GATAD2B: variants seen among roughly 807,000 people sequenced by gnomAD.
GATAD2B encodes the protein transcriptional repressor p66-beta.
In GATAD2B, 8 loss-of-function variants were observed where a neutral mutation model predicts 64.3. The observed-to-expected ratio is 0.12, with a 90% CI of 0.07 to 0.22. GATAD2B has a LOEUF of 0.22. Ranked by LOEUF, GATAD2B falls within the 10% of genes least tolerant of loss-of-function variation. The pLI is 1.00. For synonymous variants in GATAD2B, 281 were observed against 271.3 expected (o/e 1.04, Z -0.35); for missense variants, 453 against 752.0 (o/e 0.60, Z 4.65).
intron 1 of GATAD2B, among the ~76,000 whole-genome samples, chr1:153,916,815 T>C (rs1301440255): frequency 6.6e-6 from 1 of 152,140 alleles, no homozygotes; most frequent in Non-Finnish European, 1.5e-5. Context: ...ATTTGTTTAT[T>C]TATTTATTTT....
At chr1:153,852,636 TGAACAGA>T in intron 1 of GATAD2B, 1 of 815,428 alleles carries the variant, frequency 1.2e-6, no homozygotes, top group Non-Finnish European at 2.2e-6. Flanking sequence ...TTCAATCAAG[TGAACAGA>T]AGAACGGAGC....
At chr1:153,826,652 G>A (rs115238159) in intron 2 of GATAD2B, among the ~76,000 whole-genome samples, 1,554 of 150,710 alleles carry the variant, frequency 0.01, 27 homozygotes, top group African/African-American at 0.036. Context: ...CACAACTTGG[G>A]TTATAAGCTG....
chr1:153,851,357 C>G (rs949334452), intron 1 of GATAD2B, among the ~76,000 whole-genome samples: 5 of 152,082 alleles, frequency 3.3e-5, no homozygotes, highest in African/African-American at 1.2e-4. Context: ...GTCAAGGAAC[C>G]TCCATACTGT....
At chr1:153,823,091 C>T (rs1332039535) in intron 2 of GATAD2B, among the ~76,000 whole-genome samples, 1 of 152,000 alleles carries the variant, frequency 6.6e-6, no homozygotes, top group African/African-American at 2.4e-5. Flanking sequence ...TGCCTCATTT[C>T]TTAATTTTAA....
chr1:153,855,334 T>C (rs1319685519), intron 1 of GATAD2B, among the ~76,000 whole-genome samples: 1 of 152,084 alleles, frequency 6.6e-6, no homozygotes, highest in Non-Finnish European at 1.5e-5. Context: ...GCTCAAGTGA[T>C]TCTCTCACCT....
chr1:153,847,317 T>C (rs139733619), intron 1 of GATAD2B, among the ~76,000 whole-genome samples: 161 of 152,342 alleles, frequency 1.1e-3, no homozygotes, highest in African/African-American at 3.7e-3. Flanking sequence ...TACTTAATTA[T>C]TGTATTTAGT....
At chr1:153,896,610 A>C (rs1486096605) in intron 1 of GATAD2B, among the ~76,000 whole-genome samples, 1 of 151,636 alleles carries the variant, frequency 6.6e-6, no homozygotes, top group Non-Finnish European at 1.5e-5. Flanking sequence ...CTAATTTTGT[A>C]TTTTTAGTAG....
intron 1 of GATAD2B, among the ~76,000 whole-genome samples, chr1:153,892,302 C>T (rs1002277268): frequency 6.6e-6 from 1 of 151,802 alleles, no homozygotes; most frequent in Non-Finnish European, 1.5e-5. Flanking sequence ...TAGAACACTA[C>T]CACTAGTTAA....
chr1:153,917,039 C>T (rs1678288434), intron 1 of GATAD2B, among the ~76,000 whole-genome samples: 1 of 150,126 alleles, frequency 6.7e-6, no homozygotes, highest in African/African-American at 2.5e-5. Flanking sequence ...AACTCCTGAC[C>T]TCGTGATCTA....
At chr1:153,900,775 G>A (rs1677742720) in intron 1 of GATAD2B, among the ~76,000 whole-genome samples, 1 of 152,078 alleles carries the variant, frequency 6.6e-6, no homozygotes, top group Admixed American at 6.6e-5. Context: ...CATTGTAGCA[G>A]CATGAAAACA....
chr1:153,872,208 A>G (rs1187491509), intron 1 of GATAD2B, among the ~76,000 whole-genome samples: 1 of 146,890 alleles, frequency 6.8e-6, no homozygotes, highest in East Asian at 2.2e-4. Context: ...AATCCCAGCT[A>G]TTTGGGAAGC....
rs569406794 is a variant in GATAD2B at position 153,835,125 on chromosome 1, A to G, written c.-1-6777T>C. Among the ~76,000 whole-genome samples the G allele has an allele frequency of 5.3e-5, 8 of 152,246 alleles. No individual in the cohort carries two copies. The East Asian group carries it at 1.5e-3, about 29-fold the overall frequency. ...ACAACTGAGTCTCTTTAAAAAACAA[A>G]CAAAAAACAAAAATTTGAATGGATA... On this transcript the variant is annotated intron_variant, in intron 1 of 10. Coordinates refer to ENST00000368655, the MANE Select transcript of GATAD2B (RefSeq NM_020699.4).
At chr1:153,856,471 T>C (rs2101915629) in intron 1 of GATAD2B, among the ~76,000 whole-genome samples, 1 of 152,362 alleles carries the variant, frequency 6.6e-6, no homozygotes, top group East Asian at 1.9e-4. Context: ...CTGAACAAGA[T>C]GGTAGTTACA....
chr1:153,864,608 C>A (rs1195957344), intron 1 of GATAD2B, among the ~76,000 whole-genome samples: 2 of 151,160 alleles, frequency 1.3e-5, no homozygotes, highest in African/African-American at 4.9e-5. Flanking sequence ...CAAAGCAAAA[C>A]CCTGTGAAAG....
chr1:153,881,189 T>C (rs1316888022), intron 1 of GATAD2B, among the ~76,000 whole-genome samples: 1 of 152,116 alleles, frequency 6.6e-6, no homozygotes, highest in Non-Finnish European at 1.5e-5. Context: ...TTGCAGCCCC[T>C]GGCATGATGC....
rs1311326640 is a variant in GATAD2B, at chr1:153,870,451, T to C, written c.-1-42103A>G. 4.6e-5 allele frequency among the ~76,000 whole-genome samples: 7 copies of C among 152,044 alleles called. No individual in the cohort carries two copies. In the East Asian group the frequency reaches 1.4e-3, roughly 30 times the overall value. On this transcript the variant is annotated intron_variant, in intron 1 of 10. Transcript: ENST00000368655. ...AGCCGGACGTGGTGGCGGGCACCTA[T>C]AGTCTCAGCTACTCAGGAGGCTGAG...
At chr1:153,883,402 A>C (rs1677065047) in intron 1 of GATAD2B, among the ~76,000 whole-genome samples, 1 of 152,254 alleles carries the variant, frequency 6.6e-6, no homozygotes, top group Non-Finnish European at 1.5e-5. Flanking sequence ...ATGAGCTTCA[A>C]GTGGTTGATA....
At chr1:153,842,692 G>C (rs1413927212) in intron 1 of GATAD2B, among the ~76,000 whole-genome samples, 2 of 151,752 alleles carry the variant, frequency 1.3e-5, no homozygotes, top group African/African-American at 2.4e-5. Flanking sequence ...TTCACTCGTT[G>C]CCCAGGCTGG....
At chr1:153,867,859 C>CA (rs1676531371) in intron 1 of GATAD2B, among the ~76,000 whole-genome samples, 1 of 150,296 alleles carries the variant, frequency 6.7e-6, no homozygotes, top group Non-Finnish European at 1.5e-5. Flanking sequence ...GACTCCGTCT[C>CA]AAAAAACAAC....
Sources: gnomAD v4.1 joint callset for allele counts (sites outside exome capture counted in the v4.1 genomes callset) on GRCh38, gnomAD v4.1.1 for gene constraint, MANE v1.5 for transcripts, NCBI Gene and HGNC (gene_info 2026-07-23, HGNC 2026-07-21) for gene names.